Variants in OR4N2 observed in about 807,000 individuals in gnomAD.
OR4N2 encodes olfactory receptor 4N2.
For synonymous variants in OR4N2, 141 were observed against 140.4 expected (o/e 1.00, Z -0.03); for missense variants, 307 against 377.6 (o/e 0.81, Z 1.55).
At chr14:19,820,678 T>C (rs529987354) in intron 1 of OR4N2, among the ~76,000 whole-genome samples, 2 of 152,342 alleles carry the variant, frequency 1.3e-5, no homozygotes, top group South Asian at 4.1e-4. Flanking sequence ...CTTTGCTGGG[T>C]TGTGGGGGGC....
At chr14:19,823,217 A>G (rs1210136983) in intron 1 of OR4N2, among the ~76,000 whole-genome samples, 1 of 152,250 alleles carries the variant, frequency 6.6e-6, no homozygotes, top group Admixed American at 6.5e-5. Flanking sequence ...TTAGTGAGCT[A>G]TTACTACTAA....
intron 1 of OR4N2, among the ~76,000 whole-genome samples, chr14:19,820,883 C>T (rs1879548584): frequency 6.6e-6 from 1 of 152,224 alleles, no homozygotes; most frequent in South Asian, 2.1e-4. Context: ...GGGTGGGATC[C>T]ACTGAGATAG....
chr14:19,812,308 T>TC (rs202191857), intron 1 of OR4N2, among the ~76,000 whole-genome samples: 8,318 of 137,676 alleles, frequency 0.06, 81 homozygotes, highest in East Asian at 0.14. Flanking sequence ...TTTTCTTTTT[T>TC]TTTTTCTTTT....
At chr14:19,806,633 A>G (rs1426047733) in intron 1 of OR4N2, among the ~76,000 whole-genome samples, 2 of 151,862 alleles carry the variant, frequency 1.3e-5, no homozygotes, top group Non-Finnish European at 2.9e-5. Flanking sequence ...GGAGACTTCA[A>G]TGCTCCACTG....
chr14:19,828,227 G>T lies in OR4N2; in HGVS notation c.779G>T (p.Arg260Leu), dbSNP rs756329406. The T allele has an allele frequency of 5.0e-6, 8 of 1,614,180 alleles. No homozygotes were observed. Among genetic ancestry groups the T allele is most frequent in the South Asian group, 3.3e-5 (3 of 91,080 alleles). ...MFGPGIFIYTRPFRAFPADKV... is the reference protein window; with the variant it reads ...MFGPGIFIYTLPFRAFPADKV... ...GGACCTGGCATCTTCATCTACACGC[G>T]CCCCTTCAGGGCTTTCCCAGCTGAC... Residue 260 changes from arginine (R) to leucine (L), a missense_variant, in exon 2 of 2, where the codon CGC (arginine) becomes CTC (leucine). Transcript: ENST00000557677.
chr14:19,815,446 T>C (rs1193033138), intron 1 of OR4N2, among the ~76,000 whole-genome samples: 1 of 152,246 alleles, frequency 6.6e-6, no homozygotes, highest in South Asian at 2.1e-4. Context: ...TTTTTTCATA[T>C]GTTTGTTGGC....
intron 1 of OR4N2, among the ~76,000 whole-genome samples, chr14:19,808,189 A>G (rs1462806850): frequency 6.6e-6 from 1 of 152,154 alleles, no homozygotes; most frequent in African/African-American, 2.4e-5. Flanking sequence ...AAAGATGTAC[A>G]TTCTTACCAC....
chr14:19,820,108 A>G (rs1879526955), intron 1 of OR4N2, among the ~76,000 whole-genome samples: 2 of 152,210 alleles, frequency 1.3e-5, no homozygotes, highest in South Asian at 4.1e-4. Context: ...GATCTCCTGT[A>G]TGAGGTGTCT....
At chr14:19,821,549 C>T (rs1315321312) in intron 1 of OR4N2, among the ~76,000 whole-genome samples, 5 of 152,062 alleles carry the variant, frequency 3.3e-5, no homozygotes. Flanking sequence ...TATTTTTCTC[C>T]TTTTGAATTT....
chr14:19,823,916 C>T (rs1367045928), intron 1 of OR4N2, among the ~76,000 whole-genome samples: 1 of 152,266 alleles, frequency 6.6e-6, no homozygotes, highest in Non-Finnish European at 1.5e-5. Flanking sequence ...AGGAGCTCAT[C>T]TGACCACACT....
At chr14:19,808,975 A>G (rs984675194) in intron 1 of OR4N2, among the ~76,000 whole-genome samples, 3 of 152,232 alleles carry the variant, frequency 2.0e-5, no homozygotes, top group African/African-American at 7.2e-5. Flanking sequence ...ATGCACTTAC[A>G]ACCATCTGCT....
At chr14:19,812,925 G>T (rs1879338236) in intron 1 of OR4N2, among the ~76,000 whole-genome samples, 1 of 152,152 alleles carries the variant, frequency 6.6e-6, no homozygotes, top group South Asian at 2.1e-4. Flanking sequence ...TGCATAAATT[G>T]AATATAATTT....
intron 1 of OR4N2, among the ~76,000 whole-genome samples, chr14:19,821,132 T>A (rs1365963713): frequency 6.6e-6 from 1 of 152,254 alleles, no homozygotes; most frequent in East Asian, 1.9e-4. Flanking sequence ...TGAATCAGAA[T>A]GCACCTTTCC....
chr14:19,823,684 G>T (rs1879622075), intron 1 of OR4N2, among the ~76,000 whole-genome samples: 1 of 147,394 alleles, frequency 6.8e-6, no homozygotes. Context: ...GGAGAAGAAA[G>T]AAAAAATAAT....
chr14:19,809,352 C>G (rs1402603411), intron 1 of OR4N2, among the ~76,000 whole-genome samples: 2 of 152,170 alleles, frequency 1.3e-5, no homozygotes, highest in South Asian at 2.1e-4. Flanking sequence ...CCAGAGTTGA[C>G]AAGTCGGGCC....
At chr14:19,816,545 G>T (rs1456057423) in intron 1 of OR4N2, among the ~76,000 whole-genome samples, 4 of 152,232 alleles carry the variant, frequency 2.6e-5, no homozygotes, top group African/African-American at 9.6e-5. Flanking sequence ...CATTGATTTT[G>T]TATCCCGAGA....
chr14:19,807,564 C>T (rs1361593630), intron 1 of OR4N2, among the ~76,000 whole-genome samples: 1 of 148,692 alleles, frequency 6.7e-6, no homozygotes, highest in East Asian at 2.0e-4. Flanking sequence ...AGACCAACAT[C>T]AAGCTGTGAA....
intron 1 of OR4N2, among the ~76,000 whole-genome samples, chr14:19,817,041 T>C (rs561830828): frequency 3.2e-3 from 489 of 152,306 alleles, no homozygotes; most frequent in African/African-American, 0.011. Context: ...GGGATGAAGC[T>C]GAGTTGATCA....
In OR4N2 at chr14:19,827,735, G is replaced by A. The variant is rs370388773; in HGVS notation, c.287G>A (p.Gly96Asp). Residue 96 changes from glycine (G) to aspartate (D), a missense_variant, in exon 2 of 2, where the codon GGC (glycine) becomes GAC (aspartate). Gly to Asp is a moderately conservative substitution (Grantham distance 94). Coordinates refer to ENST00000557677, the MANE Select transcript of OR4N2 (RefSeq NM_001004723.3). ...GCGAAGAAGATAATCTCCTACAGAG[G>A]CTGCATCACTCAGCTCTTTTTCTTG... ...LSAKKIISYRGCITQLFFLHF... is the reference protein window; with the variant it reads ...LSAKKIISYRDCITQLFFLHF... The A allele has an allele frequency of 6.0e-5, 97 of 1,614,222 alleles. No individual in the cohort carries two copies. The highest frequency in any genetic ancestry group is 2.0e-4 in the Admixed American group (12 of 60,028).
Sources: gnomAD v4.1 joint callset for allele counts (sites outside exome capture counted in the v4.1 genomes callset) on GRCh38, gnomAD v4.1.1 for gene constraint, MANE v1.5 for transcripts, NCBI Gene and HGNC (gene_info 2026-07-23, HGNC 2026-07-21) for gene names.